Variants in POU6F1 observed in about 807,000 individuals in gnomAD.
The protein encoded by POU6F1 is POU class 6 homeobox 1, also known as POU domain, class 6, transcription factor 1.
POU6F1 carries 9 observed loss-of-function variants against 28.9 expected under a neutral mutation model. The ratio of observed to expected loss-of-function variants is 0.31; its 90% CI spans 0.19 to 0.54. The LOEUF is 0.54. Among genes scored for constraint, POU6F1 ranks in the 20% least tolerant of loss-of-function variants. POU6F1 has a pLI of 0.94. For synonymous variants in POU6F1, 173 were observed against 171.1 expected (o/e 1.01, Z -0.09); for missense variants, 338 against 426.1 (o/e 0.79, Z 1.82).
At position 51,217,603 on chromosome 12, in the gene POU6F1, C is replaced by G. The variant is rs2137256008; in HGVS notation, c.-48+39G>C. Reference sequence around the variant, plus strand: ...CTCCCCTGCCCGGCCCCCTCCCCCTCCGTGCAAACCCCTCCCCGCCCCGGA... The same window carrying G: ...CTCCCCTGCCCGGCCCCCTCCCCCTGCGTGCAAACCCCTCCCCGCCCCGGA... On this transcript the variant is annotated intron_variant, in intron 1 of 10. Coordinates refer to ENST00000333640, the MANE Select transcript of POU6F1 (RefSeq NM_001330422.2). This position sits in a 1 kb window ranked among gnomAD's most constrained non-coding sequence, Gnocchi z 5.3. 1 of 152,176 alleles carries G rather than the reference C, an allele frequency of 6.6e-6. No homozygotes were observed. The highest frequency in any genetic ancestry group is 1.9e-4 in the East Asian group (1 of 5,184). 9.4% of individuals were successfully genotyped at this position (152,176 alleles called of 1,614,324 possible). A position where few individuals can be genotyped will look rare whatever the true frequency, so the allele number is the denominator to read the frequency against.
intron 6 of POU6F1, 138 bp from the exon 7 acceptor site, chr12:51,197,065 CA>C: frequency 1.7e-6 from 1 of 572,194 alleles, no homozygotes; most frequent in Admixed American, 3.0e-5. Context: ...GGATGGTTTC[CA>C]GGGCTAGGGG....
At chr12:51,193,357 C>T (rs1942573968) in intron 8 of POU6F1, among the ~76,000 whole-genome samples, 1 of 152,152 alleles carries the variant, frequency 6.6e-6, no homozygotes, top group African/African-American at 2.4e-5. Flanking sequence ...GGCGGATCAC[C>T]TGAAGTCAGG....
At chr12:51,204,118 G>A (rs1943406214) in intron 3 of POU6F1, 55 bp downstream of exon 3, 1 of 399,096 alleles carries the variant, frequency 2.5e-6, no homozygotes, top group Non-Finnish European at 4.4e-6. Context: ...AGGGACCACA[G>A]GAGGGACTTG....
chr12:51,217,272 CCT>C lies in POU6F1; in HGVS notation c.-48+368_-48+369del, dbSNP rs1012016725. Among the ~76,000 whole-genome samples, 1 of 152,208 alleles carries C rather than the reference CCT, an allele frequency of 6.6e-6. No individual in the cohort carries two copies. The highest frequency in any genetic ancestry group is 2.4e-5 in the African/African-American group (1 of 41,466). On this transcript the variant is annotated intron_variant, in intron 1 of 10. Coordinates refer to ENST00000333640, the MANE Select transcript of POU6F1 (RefSeq NM_001330422.2). The surrounding 1 kb of genome is among the most constrained non-coding windows in gnomAD (Gnocchi z 5.3). ...CACTGGTTCTGTGTACAGAGCGTCCCCTGTGGTCCGCACCCCACAAGGGCTCC... is the reference window on the plus strand; with the variant it reads ...CACTGGTTCTGTGTACAGAGCGTCCCGTGGTCCGCACCCCACAAGGGCTCC...
Position 51,190,033 on chromosome 12 carries a change from TG to T in POU6F1, c.*213del. The T allele has an allele frequency of 1.2e-6, 1 of 818,136 alleles. No homozygotes were observed. Among genetic ancestry groups the T allele is most frequent in the Non-Finnish European group, 1.8e-6 (1 of 544,134 alleles). 50.7% of individuals were successfully genotyped at this position (818,136 alleles called of 1,614,324 possible). ...TCTTCGGAGTGACCAGCCCAGAGCC[TG>T]GAGCTCTCGTGTGGCCCCCTCTGGC... On this transcript the variant is annotated 3_prime_UTR_variant, in exon 11 of 11. Coordinates refer to ENST00000333640, the MANE Select transcript of POU6F1 (RefSeq NM_001330422.2). This position sits in a 1 kb window ranked among gnomAD's most constrained non-coding sequence, Gnocchi z 4.5.
intron 1 of POU6F1, among the ~76,000 whole-genome samples, chr12:51,213,110 T>C (rs1944111675): frequency 6.6e-6 from 1 of 152,100 alleles, no homozygotes; most frequent in Non-Finnish European, 1.5e-5. Context: ...CTGATTTTTG[T>C]ATTTTTAGTA....
At chr12:51,203,859 C>T (rs1943389193) in intron 3 of POU6F1, among the ~76,000 whole-genome samples, 1 of 152,176 alleles carries the variant, frequency 6.6e-6, no homozygotes, top group African/African-American at 2.4e-5. Flanking sequence ...GGAGCAGTGC[C>T]TGATCTCCCA....
chr12:51,205,133 G>A (rs919095098), intron 2 of POU6F1, among the ~76,000 whole-genome samples: 8 of 141,262 alleles, frequency 5.7e-5, no homozygotes, highest in Admixed American at 2.3e-4. Flanking sequence ...CCACCCCCCC[G>A]GGTTCACGCC....
intron 2 of POU6F1, among the ~76,000 whole-genome samples, chr12:51,205,103 A>G (rs1416369943): frequency 6.8e-6 from 1 of 147,542 alleles, no homozygotes; most frequent in African/African-American, 2.5e-5. Flanking sequence ...CAGTGGCGCA[A>G]TCTCGGCTCA....
intron 3 of POU6F1, among the ~76,000 whole-genome samples, chr12:51,203,828 G>A (rs574295555): frequency 2.0e-5 from 3 of 152,278 alleles, no homozygotes; most frequent in Admixed American, 6.5e-5. Context: ...GAAGACTGAT[G>A]AGAGGGTGCC....
chr12:51,214,529 T>A (rs2137242348), intron 1 of POU6F1, among the ~76,000 whole-genome samples: 2 of 152,162 alleles, frequency 1.3e-5, no homozygotes, highest in Admixed American at 1.3e-4. Flanking sequence ...CCGACGCCTG[T>A]CCCCACACCC....
In POU6F1 at chr12:51,187,748, A is replaced by G. The variant is rs1942116326; in HGVS notation, c.*2499T>C. 6.6e-6 allele frequency: 1 copy of G among 152,160 alleles called. No homozygotes were observed. Among genetic ancestry groups the G allele is most frequent in the South Asian group, 2.1e-4 (1 of 4,828 alleles). The allele number at this position is 152,160 out of a possible 1,614,324, so 9.4% of individuals were successfully genotyped here. ...GAAAGCATGGCCAGGCCTAATTTAG[A>G]CCAGTGGTTCATGATTGTTTTCCCA... On this transcript the variant is annotated 3_prime_UTR_variant, in exon 11 of 11. Transcript: ENST00000333640.
At position 51,187,931 on chromosome 12, in the gene POU6F1, G is replaced by C. The variant is rs571233922; in HGVS notation, c.*2316C>G. ...GCGTCTGAGCATGAAAACCTGCATC[G>C]CCATAAGTTTTTGTTTGTTTGAGAC... is the stretch of plus-strand genomic sequence containing the variant. On this transcript the variant is annotated 3_prime_UTR_variant, in exon 11 of 11. Coordinates refer to ENST00000333640, the MANE Select transcript of POU6F1 (RefSeq NM_001330422.2). The C allele has an allele frequency of 6.6e-6, 1 of 152,204 alleles. No individual in the cohort carries two copies. The highest frequency in any genetic ancestry group is 2.4e-5 in the African/African-American group (1 of 41,524). The allele number at this position is 152,204 out of a possible 1,614,324, so 9.4% of individuals were successfully genotyped here.
intron 3 of POU6F1, among the ~76,000 whole-genome samples, chr12:51,203,616 C>T (rs763136309): frequency 1.2e-4 from 19 of 152,166 alleles, no homozygotes; most frequent in Non-Finnish European, 2.2e-4. Context: ...TGTTGCTTTT[C>T]GGAAGTTTGC....
rs758311355 is a variant in POU6F1 at position 51,196,121 on chromosome 12, G to A, written c.1028C>T (p.Ala343Val). Residue 343 changes from alanine (A) to valine (V), a missense_variant, in exon 8 of 11, where the codon GCA becomes GTA. Ala to Val is a moderately conservative substitution (Grantham distance 64). This residue lies in a region of POU6F1 where 206 missense variants were observed against 225.6 expected (regional missense o/e 0.91). Transcript: ENST00000333640. Reference sequence around the variant, plus strand: ...CTGGACCTGCAGGCTTTGGGCTGGTGCTGGGGCCGCCACACTAGCTGAGTT... The same window carrying A: ...CTGGACCTGCAGGCTTTGGGCTGGTACTGGGGCCGCCACACTAGCTGAGTT... Reference protein sequence around the residue: ...VVNSASVAAPAPAQSLQVQAV... With the variant: ...VVNSASVAAPVPAQSLQVQAV... The A allele has an allele frequency of 6.3e-7, 1 of 1,578,872 alleles. No homozygotes were observed. The highest frequency in any genetic ancestry group is 8.6e-7 in the Non-Finnish European group (1 of 1,164,528).
chr12:51,191,709 C>T lies in POU6F1; in HGVS notation c.1377G>A (p.Glu459=). The change falls in exon 10 of 11, where the codon GAG becomes GAA. Residue 459 remains glutamate (E), a synonymous_variant. Transcript: ENST00000333640. The part of the protein sequence containing the change: ...EDGINLEEIR[E]FAKNFKIRRL... ...GCCGGATCTTAAAGTTCTTGGCAAA[C>T]TCCCGGATCTCTTCTAAGTTGATCC... 6.2e-7 allele frequency: 1 copy of T among 1,614,236 alleles called. No homozygotes were observed. The highest frequency in any genetic ancestry group is 8.5e-7 in the Non-Finnish European group (1 of 1,180,052).
At chr12:51,216,562 G>A (rs922700071) in intron 1 of POU6F1, among the ~76,000 whole-genome samples, 16 of 152,330 alleles carry the variant, frequency 1.1e-4, no homozygotes, top group African/African-American at 3.4e-4. Flanking sequence ...CAGATAAGCG[G>A]AGTACCAGGT....
At chr12:51,208,040 A>G (rs1943741522) in intron 1 of POU6F1, among the ~76,000 whole-genome samples, 1 of 151,814 alleles carries the variant, frequency 6.6e-6, no homozygotes, top group Non-Finnish European at 1.5e-5. Flanking sequence ...TGGGAGGCCA[A>G]GGCAGGAGGA....
At position 51,197,769 on chromosome 12, in the gene POU6F1, C is replaced by T; in HGVS notation, c.846+1G>A. On this transcript the variant is annotated splice_donor_variant, in intron 6 of 10. Coordinates refer to ENST00000333640, the MANE Select transcript of POU6F1 (RefSeq NM_001330422.2). LOFTEE classifies it high-confidence loss of function. ...AGCCCTGGGTGAGGGCAGCAGCTTA[C>T]GATTCCTGGGCTAAATGCGAAGCCT... 2.5e-6 allele frequency: 1 copy of T among 399,674 alleles called. No individual in the cohort carries two copies. Among genetic ancestry groups the T allele is most frequent in the Non-Finnish European group, 4.4e-6 (1 of 226,542 alleles). The allele number at this position is 399,674 out of a possible 1,614,324, so 24.8% of individuals were successfully genotyped here. A position where few individuals can be genotyped will look rare whatever the true frequency, so the allele number is the denominator to read the frequency against.
Sources: allele counts gnomAD v4.1 joint callset (sites outside exome capture counted in the v4.1 genomes callset), GRCh38; gene constraint gnomAD v4.1.1; regional missense constraint gnomAD v4.1.1; non-coding constraint Gnocchi (gnomAD v3.1); transcripts MANE v1.5; gene names NCBI Gene and HGNC (gene_info 2026-07-23, HGNC 2026-07-21).